CTNND2: variants seen among roughly 807,000 people sequenced by gnomAD.
CTNND2 encodes catenin delta-2.
Under a neutral mutation model 144.4 loss-of-function variants are expected in CTNND2, and 22 were observed. The observed-to-expected ratio is 0.15, with a 90% confidence interval of 0.11 to 0.22. The LOEUF is 0.22. CTNND2 is among the 10% of genes least tolerant of loss of function. The pLI is 1.00. For missense variants in CTNND2, 1,353 were observed against 1,618.8 expected, an observed-to-expected ratio of 0.84 and a Z score of 2.82; for synonymous variants, 751 against 695.6, an observed-to-expected ratio of 1.08 and a Z score of -1.25.
chr5:11,475,035 A>C (rs1767587497), intron 3 of CTNND2, among the ~76,000 whole-genome samples: 1 of 152,196 alleles, frequency 6.6e-6, no homozygotes, highest in Admixed American at 6.5e-5. Flanking sequence ...CTGAACTACT[A>C]ATCAGACTTC....
chr5:11,884,956 A>G (rs765332649), intron 1 of CTNND2, among the ~76,000 whole-genome samples: 12 of 152,208 alleles, frequency 7.9e-5, no homozygotes, highest in Non-Finnish European at 1.3e-4. Context: ...GTGATGTACC[A>G]TAATTAATGA....
intron 3 of CTNND2, among the ~76,000 whole-genome samples, chr5:11,479,150 C>T (rs1168171626): frequency 6.6e-6 from 1 of 152,170 alleles, no homozygotes; most frequent in African/African-American, 2.4e-5. Flanking sequence ...CCTCCTCCAA[C>T]CCTTCACCCT....
At chr5:11,257,923 C>T (rs1392646633) in intron 9 of CTNND2, among the ~76,000 whole-genome samples, 1 of 152,222 alleles carries the variant, frequency 6.6e-6, no homozygotes, top group Non-Finnish European at 1.5e-5. Context: ...TGCATTTCAA[C>T]ATCGCCATCA....
chr5:11,382,595 C>CTGTGTGTGTGTGTGTG lies in CTNND2; in HGVS notation c.1177+2054_1177+2069dup, dbSNP rs71582432. On this transcript the variant is annotated intron_variant, in intron 7 of 21. Coordinates refer to ENST00000304623, the MANE Select transcript of CTNND2 (RefSeq NM_001332.4). ...CCTGGGCAACCGACAGAGTGAGACT[C>CTGTGTGTGTGTGTGTG]TGTGTGTGTGTGTGTGTGTGTGTGT... 1.2e-3 allele frequency among the ~76,000 whole-genome samples: 158 copies of CTGTGTGTGTGTGTGTG among 130,200 alleles called. 1 individual carries two copies. Among genetic ancestry groups the CTGTGTGTGTGTGTGTG allele is most frequent in the African/African-American group, 4.4e-3 (146 of 33,088 alleles). The allele number at this position is 130,200 out of a possible 152,430, so 85.4% of individuals were successfully genotyped here.
chr5:11,681,448 T>C (rs1481407630), intron 2 of CTNND2, among the ~76,000 whole-genome samples: 1 of 152,220 alleles, frequency 6.6e-6, no homozygotes, highest in Non-Finnish European at 1.5e-5. Flanking sequence ...TCCCTTTCTC[T>C]TTCTTGGTTT....
chr5:11,664,858 T>C, intron 2 of CTNND2, among the ~76,000 whole-genome samples: 1 of 152,174 alleles, frequency 6.6e-6, no homozygotes, highest in East Asian at 1.9e-4. Flanking sequence ...AAGTATGAAG[T>C]CCTCTTTATT....
At chr5:11,718,621 C>CA (rs570726578) in intron 2 of CTNND2, among the ~76,000 whole-genome samples, 3,343 of 140,232 alleles carry the variant, frequency 0.024, 97 homozygotes, top group African/African-American at 0.074. Flanking sequence ...TCTTTTTTTA[C>CA]AAAAAAAAAA....
intron 12 of CTNND2, among the ~76,000 whole-genome samples, 178 bp downstream of exon 12, chr5:11,159,398 T>C (rs1327460587): frequency 6.6e-6 from 1 of 152,248 alleles, no homozygotes; most frequent in African/African-American, 2.4e-5. Context: ...GATACCTATA[T>C]GTCTTTATTA....
chr5:11,171,646 A>C (rs575349544), intron 11 of CTNND2, among the ~76,000 whole-genome samples: 1 of 152,324 alleles, frequency 6.6e-6, no homozygotes, highest in Non-Finnish European at 1.5e-5. Context: ...ACCAAATTAC[A>C]CTTGCCCAGG....
At chr5:11,416,744 A>G (rs906846120) in intron 3 of CTNND2, among the ~76,000 whole-genome samples, 1 of 152,212 alleles carries the variant, frequency 6.6e-6, no homozygotes, top group African/African-American at 2.4e-5. Flanking sequence ...TAGAAACGTC[A>G]TTTTTGAAGG....
intron 1 of CTNND2, among the ~76,000 whole-genome samples, chr5:11,808,619 C>T (rs1241735697): frequency 6.6e-6 from 1 of 152,152 alleles, no homozygotes; most frequent in Admixed American, 6.6e-5. Context: ...TAGTTGGTCT[C>T]ACCCATTGCC....
At chr5:11,864,046 C>T (rs1441488196) in intron 1 of CTNND2, among the ~76,000 whole-genome samples, 6 of 152,112 alleles carry the variant, frequency 3.9e-5, no homozygotes, top group South Asian at 2.1e-4. Flanking sequence ...ATCAGGATCA[C>T]GAACGTCATG....
At chr5:11,403,954 C>T (rs1760854365) in intron 5 of CTNND2, among the ~76,000 whole-genome samples, 1 of 152,126 alleles carries the variant, frequency 6.6e-6, no homozygotes, top group South Asian at 2.1e-4. Flanking sequence ...GATTTCCTGG[C>T]CTTCGATCAT....
intron 1 of CTNND2, among the ~76,000 whole-genome samples, chr5:11,824,722 C>G (rs1793510546): frequency 1.3e-5 from 2 of 152,292 alleles, no homozygotes; most frequent in South Asian, 4.1e-4. Flanking sequence ...GAGAATCCTG[C>G]TGGCACCCAT....
chr5:10,997,087 A>G (rs1424092659), intron 18 of CTNND2, among the ~76,000 whole-genome samples: 1 of 152,052 alleles, frequency 6.6e-6, no homozygotes, highest in East Asian at 1.9e-4. Context: ...GGTGTAAGTT[A>G]CAAATAAATG....
intron 14 of CTNND2, among the ~76,000 whole-genome samples, chr5:11,101,115 C>G (rs1201685879): frequency 6.6e-6 from 1 of 152,124 alleles, no homozygotes; most frequent in Non-Finnish European, 1.5e-5. Context: ...GGATTCTTGG[C>G]TATTTTAGCA....
chr5:11,345,808 C>CA (rs951360196), intron 9 of CTNND2, among the ~76,000 whole-genome samples: 7 of 150,674 alleles, frequency 4.6e-5, no homozygotes, highest in Admixed American at 1.3e-4. Context: ...ACAACAACCA[C>CA]AAAAAAAAAC....
chr5:11,540,066 TATAA>T (rs1366932834), intron 3 of CTNND2, among the ~76,000 whole-genome samples: 1 of 151,834 alleles, frequency 6.6e-6, no homozygotes, highest in African/African-American at 2.4e-5. Flanking sequence ...AAAATAAACG[TATAA>T]ATACATTAAT....
At chr5:10,978,433 C>T (rs1234875322) in intron 21 of CTNND2, among the ~76,000 whole-genome samples, 3 of 152,074 alleles carry the variant, frequency 2.0e-5, no homozygotes, top group Admixed American at 2.0e-4. Context: ...AAGTAAAATG[C>T]TTTCTTTCCT....
Sources: allele counts gnomAD v4.1 joint callset (sites outside exome capture counted in the v4.1 genomes callset), GRCh38; gene constraint gnomAD v4.1.1; transcripts MANE v1.5; gene names NCBI Gene and HGNC (gene_info 2026-07-23, HGNC 2026-07-21).